The following NCBP3 variants were observed in gnomAD, a reference collection of about 807,000 sequenced individuals.
NCBP3 encodes the protein nuclear cap binding subunit 3.
NCBP3 carries 20 observed loss-of-function variants against 75.7 expected under a neutral mutation model. That is an observed-to-expected ratio of 0.26 (90% confidence interval 0.19 to 0.38). The LOEUF is 0.38. Ranked by LOEUF, NCBP3 falls within the 10% of genes least tolerant of loss-of-function variation. The pLI is 1.00. For synonymous variants in NCBP3, 293 were observed against 290.5 expected, an observed-to-expected ratio of 1.01 and a Z score of -0.09; for missense variants, 678 against 796.9, an observed-to-expected ratio of 0.85 and a Z score of 1.80.
rs749986644 is a variant in NCBP3, at chr17:3,805,798, G to A, written c.*7246C>T. The stretch of plus-strand genomic sequence containing the variant: ...CCTTGAACACGCGTTAGCACTAGAA[G>A]GAAACTGGAGCTCACCCCAGTTGAG... On this transcript the variant is annotated 3_prime_UTR_variant, in exon 13 of 13. Coordinates refer to ENST00000389005, the MANE Select transcript of NCBP3 (RefSeq NM_001114118.3). 2 of 152,304 alleles carry A rather than the reference G, an allele frequency of 1.3e-5. No individual in the cohort carries two copies. Among genetic ancestry groups the A allele is most frequent in the Non-Finnish European group, 1.5e-5 (1 of 68,110 alleles). 9.4% of individuals were successfully genotyped at this position (152,304 alleles called of 1,614,324 possible).
rs1284675378 is a variant in NCBP3 at position 3,832,424 on chromosome 17, A to ATGT, written c.356-3057_356-3056insACA. ...CGGGGCGGGCAGATCACAAGGTCAGATCGAGACCATCCTGGCCAACACGGT... is the reference window on the plus strand; with the variant it reads ...CGGGGCGGGCAGATCACAAGGTCAGATGTTCGAGACCATCCTGGCCAACACGGT... On this transcript the variant is annotated intron_variant, in intron 3 of 12. Transcript: ENST00000389005. Among the ~76,000 whole-genome samples, 30 of 117,716 alleles carry ATGT rather than the reference A, an allele frequency of 2.5e-4. 9 individuals carry two copies. In the South Asian group the frequency reaches 8.7e-3, roughly 34 times the overall value. The allele number at this position is 117,716 out of a possible 152,430, so 77.2% of individuals were successfully genotyped here. A position where few individuals can be genotyped will look rare whatever the true frequency, so the allele number is the denominator to read the frequency against.
chr17:3,840,794 C>T lies in NCBP3; in HGVS notation c.250-589G>A, dbSNP rs147474625. Among the ~76,000 whole-genome samples, 499 of 152,254 alleles carry T rather than the reference C, an allele frequency of 3.3e-3. 1 individual carries two copies. Among genetic ancestry groups the T allele is most frequent in the African/African-American group, 0.011 (461 of 41,534 alleles). On this transcript the variant is annotated intron_variant, in intron 2 of 12. Coordinates refer to ENST00000389005, the MANE Select transcript of NCBP3 (RefSeq NM_001114118.3). ...AAGCTAGTCTGTTTAAAAATAACAC[C>T]GAAGCAAAGAAACTCTCCCTCCTCT...
chr17:3,826,769 T>A (rs2143675283), intron 4 of NCBP3, among the ~76,000 whole-genome samples: 1 of 149,620 alleles, frequency 6.7e-6, no homozygotes, highest in Non-Finnish European at 1.5e-5. Context: ...GAGAAAGCAC[T>A]TTGGGAGGCC....
At position 3,812,125 on chromosome 17, in the gene NCBP3, T is replaced by C; in HGVS notation, c.*919A>G. The C allele has an allele frequency of 6.6e-6, 1 of 152,224 alleles. No individual in the cohort carries two copies. The highest frequency in any genetic ancestry group is 2.1e-4 in the South Asian group (1 of 4,822). The allele number at this position is 152,224 out of a possible 1,614,324, so 9.4% of individuals were successfully genotyped here. On this transcript the variant is annotated 3_prime_UTR_variant, in exon 13 of 13. Transcript: ENST00000389005. Reference sequence around the variant, plus strand: ...TACAACTAGGAGCATTTAAAAATAATAAGACTCCTCTCTCTGCCTTCTTCC... The same window carrying C: ...TACAACTAGGAGCATTTAAAAATAACAAGACTCCTCTCTCTGCCTTCTTCC...
intron 7 of NCBP3, among the ~76,000 whole-genome samples, chr17:3,823,572 TTTTTA>T (rs1374725251): frequency 6.6e-6 from 1 of 152,094 alleles, no homozygotes; most frequent in African/African-American, 2.4e-5. Context: ...GCCCACCAAT[TTTTTA>T]TTTTAATCAT....
rs1165594786 is a variant in NCBP3, at chr17:3,812,910, G to A, written c.*134C>T. ...CACATTCTTAAGATGTCTTGCCGAAGTAGCAAGAGCGGAGGGTGACTGTGT... is the reference window on the plus strand; with the variant it reads ...CACATTCTTAAGATGTCTTGCCGAAATAGCAAGAGCGGAGGGTGACTGTGT... On this transcript the variant is annotated 3_prime_UTR_variant, in exon 13 of 13. Transcript: ENST00000389005. The A allele has an allele frequency of 3.7e-5, 55 of 1,481,780 alleles. No individual in the cohort carries two copies. Among genetic ancestry groups the A allele is most frequent in the Non-Finnish European group, 4.7e-5 (53 of 1,120,082 alleles). 91.8% of individuals were successfully genotyped at this position (1,481,780 alleles called of 1,614,324 possible).
In NCBP3 at chr17:3,818,128, G is replaced by A; in HGVS notation, c.1310+135C>T. On this transcript the variant is annotated intron_variant, in intron 10 of 12. Coordinates refer to ENST00000389005, the MANE Select transcript of NCBP3 (RefSeq NM_001114118.3). This position sits in a 1 kb window ranked among gnomAD's most constrained non-coding sequence, Gnocchi z 4.7. ...CACTGCTTGTATAGAGGAAATACTG[G>A]ATGCGTTTATTAAACTCCTACAAGG... is the stretch of plus-strand genomic sequence containing the variant. 1 of 713,500 alleles carries A rather than the reference G, an allele frequency of 1.4e-6. No homozygotes were observed. Among genetic ancestry groups the A allele is most frequent in the Non-Finnish European group, 2.2e-6 (1 of 461,108 alleles). The allele number at this position is 713,500 out of a possible 1,614,324, so 44.2% of individuals were successfully genotyped here. A position where few individuals can be genotyped will look rare whatever the true frequency, so the allele number is the denominator to read the frequency against.
rs750804942 is a variant in NCBP3, at chr17:3,816,065, C to G, written c.1465+51G>C. 4.3e-5 allele frequency: 68 copies of G among 1,570,172 alleles called. 1 individual carries two copies. The highest frequency in any genetic ancestry group is 3.1e-4 in the South Asian group (26 of 84,640). On this transcript the variant is annotated intron_variant, in intron 11 of 12. Coordinates refer to ENST00000389005, the MANE Select transcript of NCBP3 (RefSeq NM_001114118.3). ...CTCAGGAACCTCTCTCTGCCCCAGT[C>G]TGCTTTCCGGAGCTCAGAATCCAGC...
rs562489001 is a variant in NCBP3 at position 3,816,686 on chromosome 17, T to C, written c.1311-416A>G. Among the ~76,000 whole-genome samples the C allele has an allele frequency of 6.6e-5, 10 of 152,364 alleles. No homozygotes were observed. The East Asian group carries it at 1.5e-3, about 24-fold the overall frequency. The stretch of plus-strand genomic sequence containing the variant: ...ACTTCTCTTTCAAAGAGATATGCTA[T>C]CATGCTAGGTGCCAGCACCGTTCCG... On this transcript the variant is annotated intron_variant, in intron 10 of 12. Transcript: ENST00000389005.
At chr17:3,826,647 T>C (rs1480961222) in intron 4 of NCBP3, among the ~76,000 whole-genome samples, 1 of 135,032 alleles carries the variant, frequency 7.4e-6, no homozygotes, top group African/African-American at 2.8e-5. Flanking sequence ...AATGAAAAGT[T>C]AAAAATAAAT....
rs1474376527 is a variant in NCBP3 at position 3,814,476 on chromosome 17, G to C, written c.1473C>G (p.Arg491=). Residue 491 remains arginine, a synonymous_variant, in exon 12 of 13, where the codon CGC becomes CGG. Transcript: ENST00000389005. ...PPVSSTKSDI[R]QRLGKRPHSP... ...AATGTGGTCTTTTTCCTAACCGCTG[G>C]CGTATATCTGAAAAAAGAGAAAAAG... 2.7e-5 allele frequency: 44 copies of C among 1,613,860 alleles called. No homozygotes were observed. Among genetic ancestry groups the C allele is most frequent in the Non-Finnish European group, 3.3e-5 (39 of 1,180,008 alleles).
At position 3,812,554 on chromosome 17, in the gene NCBP3, C is replaced by T. The variant is rs1169520912; in HGVS notation, c.*490G>A. On this transcript the variant is annotated 3_prime_UTR_variant, in exon 13 of 13. Coordinates refer to ENST00000389005, the MANE Select transcript of NCBP3 (RefSeq NM_001114118.3). ...GTGAGATTCGCCCCACACTAGGGTC[C>T]CGGAAGGGTGAGCTGGCCGCTTCCC... is the stretch of plus-strand genomic sequence containing the variant. 6.9e-6 allele frequency: 7 copies of T among 1,008,742 alleles called. No individual in the cohort carries two copies. The Admixed American group carries it at 3.7e-4, about 53-fold the overall frequency. 62.5% of individuals were successfully genotyped at this position (1,008,742 alleles called of 1,614,324 possible). A position where few individuals can be genotyped will look rare whatever the true frequency, so the allele number is the denominator to read the frequency against.
rs1430001980 is a variant in NCBP3, at chr17:3,805,467, G to C, written c.*7577C>G. On this transcript the variant is annotated 3_prime_UTR_variant, in exon 13 of 13. Transcript: ENST00000389005. ...GATGAGGTCATAATCCAGCAAGATTGGTGGCCTTACAAGAGCCATGTGCAG... is the reference window on the plus strand; with the variant it reads ...GATGAGGTCATAATCCAGCAAGATTCGTGGCCTTACAAGAGCCATGTGCAG... 2.0e-5 allele frequency: 3 copies of C among 152,196 alleles called. No individual in the cohort carries two copies. Among genetic ancestry groups the C allele is most frequent in the Non-Finnish European group, 4.4e-5 (3 of 68,052 alleles). 9.4% of individuals were successfully genotyped at this position (152,196 alleles called of 1,614,324 possible).
chr17:3,846,150 G>A lies in NCBP3; in HGVS notation c.74C>T (p.Ser25Phe). 2 of 1,538,382 alleles carry A rather than the reference G, an allele frequency of 1.3e-6. No homozygotes were observed. The highest frequency in any genetic ancestry group is 1.8e-6 in the Non-Finnish European group (2 of 1,141,702). The change falls in exon 1 of 13, where the codon TCC becomes TTC. Residue 25 changes from serine (S) to phenylalanine (F), a missense_variant. Transcript: ENST00000389005. This position sits in a 1 kb window ranked among gnomAD's most constrained non-coding sequence, Gnocchi z 4.6. ...GTCAACACCGGACTCCGCCTCAGGG[G>A]ACGGGAGCCCCAGGGCCGGCCCCGC... The part of the protein sequence containing the change: ...APAGPALGLP[S>F]PEAESGVDRG...
At chr17:3,834,491 G>A (rs1251144319) in intron 3 of NCBP3, among the ~76,000 whole-genome samples, 2 of 152,212 alleles carry the variant, frequency 1.3e-5, no homozygotes, top group Non-Finnish European at 2.9e-5. Flanking sequence ...AATGCTGACA[G>A]CAGGCTAGGC....
At position 3,804,357 on chromosome 17, in the gene NCBP3, G is replaced by T. The variant is rs918418691; in HGVS notation, c.*8687C>A. 1 of 151,758 alleles carries T rather than the reference G, an allele frequency of 6.6e-6. No individual in the cohort carries two copies. Among genetic ancestry groups the T allele is most frequent in the African/African-American group, 2.4e-5 (1 of 41,264 alleles). The allele number at this position is 151,758 out of a possible 1,614,324, so 9.4% of individuals were successfully genotyped here. The stretch of plus-strand genomic sequence containing the variant: ...AGTTCAGGAGTTTGAGACCAGCCTG[G>T]GCAACATGGTGAAACCCTGTCTTTA... On this transcript the variant is annotated 3_prime_UTR_variant, in exon 13 of 13. Coordinates refer to ENST00000389005, the MANE Select transcript of NCBP3 (RefSeq NM_001114118.3).
At chr17:3,825,922 T>G in intron 5 of NCBP3, 79 bp from the exon 6 acceptor site, 1 of 1,411,002 alleles carries the variant, frequency 7.1e-7, no homozygotes. Flanking sequence ...CTATCTCATA[T>G]AATTTTAAAA....
At chr17:3,839,204 C>A (rs1283557047) in intron 3 of NCBP3, among the ~76,000 whole-genome samples, 1 of 151,898 alleles carries the variant, frequency 6.6e-6, no homozygotes, top group African/African-American at 2.4e-5. Context: ...CAAAATACCC[C>A]AAAAAAACAC....
At chr17:3,821,423 CTCTTT>C in intron 8 of NCBP3, 71 bp from the exon 9 acceptor site, 6 of 1,261,848 alleles carry the variant, frequency 4.8e-6, no homozygotes, top group Non-Finnish European at 5.7e-6. Context: ...CTATTTCTTT[CTCTTT>C]TCTTTTTTTT....
Sources: allele counts gnomAD v4.1 joint callset (sites outside exome capture counted in the v4.1 genomes callset), GRCh38; gene constraint gnomAD v4.1.1; non-coding constraint Gnocchi (gnomAD v3.1); transcripts MANE v1.5; gene names NCBI Gene and HGNC (gene_info 2026-07-23, HGNC 2026-07-21).